LRP6: variants seen among roughly 807,000 people sequenced by gnomAD.
LRP6 encodes low-density lipoprotein receptor-related protein 6.
In LRP6, 43 loss-of-function variants were observed where a neutral mutation model predicts 184.1. The ratio of observed to expected loss-of-function variants is 0.23; its 90% CI spans 0.18 to 0.30. The LOEUF (loss-of-function observed/expected upper bound fraction) is 0.30, where lower values mean the gene tolerates loss of function less well. Among genes scored for constraint, LRP6 ranks in the 10% least tolerant of loss-of-function variants. LRP6 has a pLI of 1.00. For missense variants in LRP6, 1,571 were observed against 2,005.3 expected, an observed-to-expected ratio of 0.78 and a Z score of 4.14; for synonymous variants, 719 against 684.9, an observed-to-expected ratio of 1.05 and a Z score of -0.78.
chr12:12,177,753 C>A (rs1309170930), intron 7 of LRP6, among the ~76,000 whole-genome samples: 1 of 151,956 alleles, frequency 6.6e-6, no homozygotes, highest in African/African-American at 2.4e-5. Flanking sequence ...AGTAAATTTA[C>A]CACAAACATC....
At chr12:12,180,077 A>G in intron 6 of LRP6, 96 bp from the exon 7 acceptor site, 1 of 956,304 alleles carries the variant, frequency 1.0e-6, no homozygotes, top group East Asian at 2.6e-5. Flanking sequence ...TTACACTGGT[A>G]TCATCAGTTA....
chr12:12,194,578 T>C (rs1863705325), intron 3 of LRP6, among the ~76,000 whole-genome samples: 1 of 152,152 alleles, frequency 6.6e-6, no homozygotes, highest in Admixed American at 6.5e-5. Flanking sequence ...GCTATTTCTT[T>C]TAAAGTCTCT....
chr12:12,130,748 G>A (rs77806195), intron 19 of LRP6, 35 bp downstream of exon 19: 19 of 1,327,220 alleles, frequency 1.4e-5, no homozygotes, highest in Non-Finnish European at 1.9e-5. Flanking sequence ...TAAATTCTCT[G>A]TTAAGAGTAA....
chr12:12,138,897 A>T lies in LRP6; in HGVS notation c.3398-363T>A, dbSNP rs138650437. ...GGACCCAGAGTTCTGAGTATACCTG[A>T]GGCATTTATGAAGAACAGCTTCACT... On this transcript the variant is annotated intron_variant, in intron 15 of 22. Transcript: ENST00000261349. 2,428 of 1,371,582 alleles carry T rather than the reference A, an allele frequency of 1.8e-3. 3 individuals are homozygous for T. The highest frequency in any genetic ancestry group is 3.1e-3 in the Admixed American group (161 of 52,662). 85.0% of individuals were successfully genotyped at this position (1,371,582 alleles called of 1,614,324 possible).
chr12:12,129,788 G>A (rs1949721742), intron 19 of LRP6, among the ~76,000 whole-genome samples: 1 of 152,124 alleles, frequency 6.6e-6, no homozygotes, highest in Non-Finnish European at 1.5e-5. Flanking sequence ...CTGACCTCGT[G>A]ATCTGCCCAC....
rs73057417 is a variant in LRP6, at chr12:12,239,668, T to A, written c.449+4594A>T. ...TCATAAAGGTACCCTATTCTTTTTC[T>A]TTTTTTTTTTTCATCTCCAGCCATA... is the stretch of plus-strand genomic sequence containing the variant. On this transcript the variant is annotated intron_variant, in intron 2 of 22. Transcript: ENST00000261349. Among the ~76,000 whole-genome samples, 1,244 of 144,568 alleles carry A rather than the reference T, an allele frequency of 8.6e-3. 8 individuals carry two copies. Among genetic ancestry groups the A allele is most frequent in the South Asian group, 0.018 (82 of 4,564 alleles). 94.8% of individuals were successfully genotyped at this position (144,568 alleles called of 152,430 possible).
At chr12:12,216,853 GCCC>G (rs1864362954) in intron 2 of LRP6, among the ~76,000 whole-genome samples, 1 of 71,340 alleles carries the variant, frequency 1.4e-5, no homozygotes, top group African/African-American at 5.7e-5. Flanking sequence ...CCCTCCCCCT[GCCC>G]CTGCAATCTG....
At chr12:12,243,737 G>A (rs575649439) in intron 2 of LRP6, among the ~76,000 whole-genome samples, 1 of 152,188 alleles carries the variant, frequency 6.6e-6, no homozygotes, top group Non-Finnish European at 1.5e-5. Flanking sequence ...GCAACACGGT[G>A]AAATTCTGTC....
chr12:12,141,282 G>A (rs1010523568), intron 15 of LRP6, among the ~76,000 whole-genome samples: 1 of 151,964 alleles, frequency 6.6e-6, no homozygotes, highest in African/African-American at 2.4e-5. Context: ...GACATTGAGG[G>A]GAAAGAACAT....
At position 12,121,022 on chromosome 12, in the gene LRP6, TCTGC is replaced by T; in HGVS notation, c.*100_*103del. On this transcript the variant is annotated 3_prime_UTR_variant, in exon 23 of 23. Transcript: ENST00000261349. ...ATTTTATAATTTTAACTGTACATGG[TCTGC>T]CTCATCCTTCTCTAATAGCTCCCTC... is the stretch of plus-strand genomic sequence containing the variant. The T allele has an allele frequency of 1.1e-6, 1 of 946,912 alleles. No individual in the cohort carries two copies. Among genetic ancestry groups the T allele is most frequent in the South Asian group, 1.8e-5 (1 of 54,074 alleles). 58.7% of individuals were successfully genotyped at this position (946,912 alleles called of 1,614,324 possible). A position where few individuals can be genotyped will look rare whatever the true frequency, so the allele number is the denominator to read the frequency against.
intron 5 of LRP6, among the ~76,000 whole-genome samples, chr12:12,183,538 G>C (rs1863395403): frequency 6.6e-6 from 1 of 151,980 alleles, no homozygotes; most frequent in Non-Finnish European, 1.5e-5. Context: ...TTGTTAAAAA[G>C]CAATTTAAAA....
rs887343355 is a variant in LRP6, at chr12:12,118,744, A to T, written c.*2382T>A. The T allele has an allele frequency of 3.3e-5, 5 of 152,230 alleles. No individual in the cohort carries two copies. Among genetic ancestry groups the T allele is most frequent in the African/African-American group, 1.2e-4 (5 of 41,464 alleles). 9.4% of individuals were successfully genotyped at this position (152,230 alleles called of 1,614,324 possible). On this transcript the variant is annotated 3_prime_UTR_variant, in exon 23 of 23. Transcript: ENST00000261349. ...TCCATCTCATCTACCCCAGAAAGAG[A>T]ACACTGAGATTAGGCTGAACTGCCT...
At chr12:12,215,715 TAAGA>T (rs1359419926) in intron 2 of LRP6, among the ~76,000 whole-genome samples, 2 of 151,542 alleles carry the variant, frequency 1.3e-5, no homozygotes, top group African/African-American at 4.8e-5. Flanking sequence ...AGTTTTCTTT[TAAGA>T]ATCTATTTGT....
chr12:12,157,700 A>C (rs555003365), intron 12 of LRP6, among the ~76,000 whole-genome samples: 31 of 152,324 alleles, frequency 2.0e-4, no homozygotes, highest in Non-Finnish European at 2.5e-4. Context: ...TCATGTCAAT[A>C]GTTAATTACC....
chr12:12,169,747 A>C (rs1426621293), intron 7 of LRP6, among the ~76,000 whole-genome samples: 1 of 152,222 alleles, frequency 6.6e-6, no homozygotes, highest in Non-Finnish European at 1.5e-5. Flanking sequence ...TCACTCGAAA[A>C]GCAAAAACTA....
At chr12:12,221,668 G>C (rs1278854322) in intron 2 of LRP6, among the ~76,000 whole-genome samples, 2 of 152,148 alleles carry the variant, frequency 1.3e-5, no homozygotes, top group Non-Finnish European at 2.9e-5. Flanking sequence ...CACTCACACA[G>C]GGCTTAGAAC....
chr12:12,136,539 T>C (rs1168522895), intron 16 of LRP6, among the ~76,000 whole-genome samples: 1 of 152,264 alleles, frequency 6.6e-6, no homozygotes, highest in Non-Finnish European at 1.5e-5. Context: ...GTTGTATTTT[T>C]AAAGAATCAT....
Position 12,242,390 on chromosome 12 carries a change from A to T in LRP6, c.449+1872T>A, listed in dbSNP as rs567606905. Among the ~76,000 whole-genome samples the T allele has an allele frequency of 5.9e-4, 90 of 152,342 alleles. 1 individual carries two copies. In the South Asian group the frequency reaches 0.018, roughly 30 times the overall value. On this transcript the variant is annotated intron_variant, in intron 2 of 22. Transcript: ENST00000261349. The stretch of plus-strand genomic sequence containing the variant: ...TTTAACAGATATTTCATTAAATTTC[A>T]ATCATCACCCTTACAGTGGTAAAAT...
chr12:12,217,998 C>T (rs77970482), intron 2 of LRP6, among the ~76,000 whole-genome samples: 6,244 of 152,214 alleles, frequency 0.041, 180 homozygotes, highest in Middle Eastern at 0.15. Flanking sequence ...ACTAAAACCA[C>T]AAGCAACAAA....
Sources: allele counts gnomAD v4.1 joint callset (sites outside exome capture counted in the v4.1 genomes callset), GRCh38; gene constraint gnomAD v4.1.1; transcripts MANE v1.5; gene names NCBI Gene and HGNC (gene_info 2026-07-23, HGNC 2026-07-21).